ATP11A: variants seen among roughly 807,000 people sequenced by gnomAD.
ATP11A encodes the protein ATPase phospholipid transporting 11A.
A neutral mutation model predicts 154.4 loss-of-function variants in ATP11A; 81 were observed. The ratio of observed to expected loss-of-function variants is 0.52; its 90% CI spans 0.44 to 0.63. The LOEUF (loss-of-function observed/expected upper bound fraction) is 0.63. ATP11A is among the 30% of genes least tolerant of loss of function. ATP11A has a pLI of 0.00. For synonymous variants in ATP11A, 623 were observed against 585.9 expected, an observed-to-expected ratio of 1.06 and a Z score of -0.91; for missense variants, 1,316 against 1,474.3, an observed-to-expected ratio of 0.89 and a Z score of 1.76.
At chr13:112,880,891 A>C in intron 29 of ATP11A, 1 of 1,010,892 alleles carries the variant, frequency 9.9e-7, no homozygotes, top group Non-Finnish European at 1.2e-6. Context: ...CGCACGGCAC[A>C]CAGCCTGACC....
intron 2 of ATP11A, among the ~76,000 whole-genome samples, chr13:112,789,831 C>T (rs1485525079): frequency 5.3e-5 from 7 of 131,122 alleles, no homozygotes; most frequent in African/African-American, 8.9e-5. Flanking sequence ...AGTGTCCTGA[C>T]GTGTAGTAGA....
intron 1 of ATP11A, among the ~76,000 whole-genome samples, chr13:112,747,667 C>T (rs1033364907): frequency 1.3e-5 from 2 of 152,162 alleles, no homozygotes; most frequent in Non-Finnish European, 2.9e-5. Flanking sequence ...GAAACCCCAT[C>T]TCTACTAAAA....
intron 1 of ATP11A, among the ~76,000 whole-genome samples, chr13:112,741,118 T>G (rs569893714): frequency 6.6e-6 from 1 of 152,296 alleles, no homozygotes; most frequent in African/African-American, 2.4e-5. Context: ...ACAAAGAGAT[T>G]TAAGATGTGG....
rs931804594 is a variant in ATP11A at position 112,882,641 on chromosome 13, C to T, written c.*775C>T. On this transcript the variant is annotated 3_prime_UTR_variant, in exon 30 of 30. Transcript: ENST00000375645. This position sits in a 1 kb window ranked among gnomAD's most constrained non-coding sequence, Gnocchi z 5.1. ...GAGTTTCGGTCTCCCCATCACCGGC[C>T]GCCTCGTGGAGAAGGCAGTGCCACG... is the stretch of plus-strand genomic sequence containing the variant. 5.8e-5 allele frequency: 23 copies of T among 399,912 alleles called. No homozygotes were observed. Among genetic ancestry groups the T allele is most frequent in the Non-Finnish European group, 9.2e-5 (21 of 227,508 alleles). The allele number at this position is 399,912 out of a possible 1,614,324, so 24.8% of individuals were successfully genotyped here.
chr13:112,870,894 C>T (rs2080497393), intron 25 of ATP11A, among the ~76,000 whole-genome samples: 1 of 152,208 alleles, frequency 6.6e-6, no homozygotes, highest in African/African-American at 2.4e-5. Context: ...GCGTGCTGTC[C>T]TCACGGGTCG....
intron 20 of ATP11A, chr13:112,856,361 AAAAGC>A: frequency 3.8e-6 from 1 of 260,944 alleles, no homozygotes; most frequent in Non-Finnish European, 7.2e-6. Flanking sequence ...AAAAAAAAAA[AAAAGC>A]TATCTCAATC....
intron 25 of ATP11A, among the ~76,000 whole-genome samples, chr13:112,864,343 A>G (rs1285512677): frequency 8.3e-5 from 6 of 72,282 alleles, no homozygotes; most frequent in South Asian, 5.0e-4. Flanking sequence ...AATTCAGTGC[A>G]GGCCATGCAG....
chr13:112,699,156 G>A (rs1231062807), intron 1 of ATP11A, among the ~76,000 whole-genome samples: 1 of 152,164 alleles, frequency 6.6e-6, no homozygotes, highest in Non-Finnish European at 1.5e-5. Flanking sequence ...AAATTTGTTA[G>A]TGACATATTT....
At chr13:112,755,656 G>A (rs1328725657) in intron 1 of ATP11A, among the ~76,000 whole-genome samples, 1 of 152,130 alleles carries the variant, frequency 6.6e-6, no homozygotes, top group Non-Finnish European at 1.5e-5. Context: ...TCCAGTCAGG[G>A]AAGCATCAAT....
chr13:112,709,221 A>G (rs1386096386), intron 1 of ATP11A, among the ~76,000 whole-genome samples: 3 of 152,228 alleles, frequency 2.0e-5, no homozygotes, highest in South Asian at 4.1e-4. Context: ...CCTACAAATC[A>G]TAAATTCTCA....
intron 2 of ATP11A, among the ~76,000 whole-genome samples, chr13:112,802,072 T>C (rs943310291): frequency 7.2e-5 from 11 of 152,048 alleles, no homozygotes; most frequent in South Asian, 2.1e-4. Context: ...CGGCTGGGCG[T>C]GGCGGCTCAC....
chr13:112,834,053 C>T (rs1198677985), intron 14 of ATP11A, among the ~76,000 whole-genome samples: 1 of 152,246 alleles, frequency 6.6e-6, no homozygotes, highest in Non-Finnish European at 1.5e-5. Context: ...GTGGCTCCCA[C>T]AAGGCCCTGA....
intron 1 of ATP11A, among the ~76,000 whole-genome samples, chr13:112,763,721 C>T (rs1251767625): frequency 6.6e-6 from 1 of 152,202 alleles, no homozygotes; most frequent in African/African-American, 2.4e-5. Context: ...TTCAACTCTT[C>T]GTGCCGAGCT....
In ATP11A at chr13:112,696,565, C is replaced by A. The variant is rs1021121415; in HGVS notation, c.39+6110C>A. Among the ~76,000 whole-genome samples the A allele has an allele frequency of 1.3e-5, 2 of 152,132 alleles. No individual in the cohort carries two copies. The highest frequency in any genetic ancestry group is 3.9e-4 in the East Asian group (2 of 5,182). On this transcript the variant is annotated intron_variant, in intron 1 of 29. Coordinates refer to ENST00000375645, the MANE Select transcript of ATP11A (RefSeq NM_015205.3). This position sits in a 1 kb window ranked among gnomAD's most constrained non-coding sequence, Gnocchi z 6.2. ...TCCCGCTGTTGGCACCGCTTTAGAC[C>A]CCATATTTCCCAGCGGTCACCGTGC...
In ATP11A at chr13:112,831,544, G is replaced by T; in HGVS notation, c.1391G>T (p.Gly464Val). ...DMIDSSPSVN[G>V]REREELFFRA... is the part of the protein sequence containing the mutation. ...ATTGACTCGTCCCCCAGCGTCAACGGGAGGGTAGGTGGCAGCCCCCACGCC... is the reference window on the plus strand; with the variant it reads ...ATTGACTCGTCCCCCAGCGTCAACGTGAGGGTAGGTGGCAGCCCCCACGCC... Residue 464 changes from glycine to valine, a missense_variant, in exon 13 of 30, where the codon GGG (glycine) becomes GTG (valine). Physicochemically the swap from Gly to Val is moderately radical, Grantham distance 109. Coordinates refer to ENST00000375645, the MANE Select transcript of ATP11A (RefSeq NM_015205.3). 6.2e-7 allele frequency: 1 copy of T among 1,613,954 alleles called. No homozygotes were observed. Among genetic ancestry groups the T allele is most frequent in the South Asian group, 1.1e-5 (1 of 91,072 alleles).
intron 9 of ATP11A, among the ~76,000 whole-genome samples, chr13:112,823,878 A>G (rs921660815): frequency 6.6e-6 from 1 of 152,176 alleles, no homozygotes; most frequent in African/African-American, 2.4e-5. Context: ...AAATCCACGG[A>G]TGCCCAAGGC....
intron 2 of ATP11A, among the ~76,000 whole-genome samples, chr13:112,803,934 C>A (rs1234755085): frequency 3.7e-5 from 3 of 80,106 alleles, no homozygotes; most frequent in Non-Finnish European, 5.1e-5. Flanking sequence ...CCCCTCTCTG[C>A]CCTCCTTCCC....
rs1312425506 is a variant in ATP11A at position 112,807,370 on chromosome 13, T to C, written c.333+1077T>C. On this transcript the variant is annotated intron_variant, in intron 4 of 29. Transcript: ENST00000375645. This position sits in a 1 kb window ranked among gnomAD's most constrained non-coding sequence, Gnocchi z 4.5. ...CGTGAACTAGGATATTCATGGTGGC[T>C]GTCATTGATTAGCAAAGGACTCGGG... 1.3e-5 allele frequency among the ~76,000 whole-genome samples: 2 copies of C among 152,222 alleles called. No homozygotes were observed. The highest frequency in any genetic ancestry group is 2.4e-5 in the African/African-American group (1 of 41,452).
intron 17 of ATP11A, among the ~76,000 whole-genome samples, chr13:112,850,074 G>A (rs542495732): frequency 8.9e-4 from 136 of 152,300 alleles, no homozygotes; most frequent in Non-Finnish European, 7.3e-5. Flanking sequence ...GACAGCCGTT[G>A]ACCCAGTGGC....
Sources: gnomAD v4.1 joint callset for allele counts (sites outside exome capture counted in the v4.1 genomes callset) on GRCh38, gnomAD v4.1.1 for gene constraint, Gnocchi (gnomAD v3.1) non-coding constraint, MANE v1.5 for transcripts, NCBI Gene and HGNC (gene_info 2026-07-23, HGNC 2026-07-21) for gene names.